OR7A10: variants seen among roughly 807,000 people sequenced by gnomAD.
OR7A10 encodes olfactory receptor family 7 subfamily A member 10, also known as olfactory receptor 7A10.
For missense variants in OR7A10, 358 were observed against 370.1 expected, an observed-to-expected ratio of 0.97 and a Z score of 0.27; for synonymous variants, 144 against 144.5, an observed-to-expected ratio of 1.00 and a Z score of 0.02.
At position 14,841,358 on chromosome 19, in the gene OR7A10, T is replaced by C. The variant is rs776688173; in HGVS notation, c.520A>G (p.Ile174Val). Residue 174 changes from isoleucine (I) to valine (V), a missense_variant, in exon 2 of 2, where the codon ATC (isoleucine) becomes GTC (valine). By Grantham distance (29) the Ile-to-Val change is conservative. Coordinates refer to ENST00000641129, the MANE Select transcript of OR7A10 (RefSeq NM_001005190.2). Reference protein sequence around the residue: ...LPLPFCTHMEIPHFFCEINQV... With the variant: ...LPLPFCTHMEVPHFFCEINQV... ...TTAATTTCACAGAAAAAATGAGGGA[T>C]TTCCATGTGTGTACAAAAGGGCAGT... The C allele has an allele frequency of 1.9e-6, 3 of 1,614,134 alleles. No individual in the cohort carries two copies. The highest frequency in any genetic ancestry group is 2.5e-6 in the Non-Finnish European group (3 of 1,180,012).
chr19:14,848,121 TAA>T (rs34015234), intron 1 of OR7A10, among the ~76,000 whole-genome samples: 13 of 145,558 alleles, frequency 8.9e-5, no homozygotes, highest in African/African-American at 2.0e-4. Flanking sequence ...AGACTCTGTC[TAA>T]AAAAAAAAAA....
chr19:14,840,683 A>G lies in OR7A10; in HGVS notation c.*265T>C. On this transcript the variant is annotated 3_prime_UTR_variant, in exon 2 of 2. Coordinates refer to ENST00000641129, the MANE Select transcript of OR7A10 (RefSeq NM_001005190.2). Reference sequence around the variant, plus strand: ...GACACCAGGCTCCTCTACTTCAATGAGTAGATGTACCCCAACGAAAACAAA... The same window carrying G: ...GACACCAGGCTCCTCTACTTCAATGGGTAGATGTACCCCAACGAAAACAAA... The G allele has an allele frequency of 3.5e-6, 1 of 286,238 alleles. No individual in the cohort carries two copies. Among genetic ancestry groups the G allele is most frequent in the Non-Finnish European group, 6.5e-6 (1 of 153,038 alleles). The allele number at this position is 286,238 out of a possible 1,614,324, so 17.7% of individuals were successfully genotyped here.
At chr19:14,843,859 C>T (rs567374560) in intron 1 of OR7A10, among the ~76,000 whole-genome samples, 7 of 152,154 alleles carry the variant, frequency 4.6e-5, no homozygotes, top group African/African-American at 1.7e-4. Context: ...GGGAGTCGAA[C>T]AATGAGAACA....
intron 1 of OR7A10, among the ~76,000 whole-genome samples, chr19:14,847,588 G>A (rs893286777): frequency 6.6e-6 from 1 of 151,994 alleles, no homozygotes. Context: ...TCGGCTCAAT[G>A]CAAGCTCCAC....
intron 1 of OR7A10, among the ~76,000 whole-genome samples, chr19:14,842,653 A>G (rs1405170859): frequency 6.6e-6 from 1 of 152,198 alleles, no homozygotes; most frequent in Non-Finnish European, 1.5e-5. Context: ...TGCTTAGAAT[A>G]ATGGCTTTTA....
rs926895069 is a variant in OR7A10 at position 14,840,819 on chromosome 19, G to A, written c.*129C>T. On this transcript the variant is annotated 3_prime_UTR_variant, in exon 2 of 2. Coordinates refer to ENST00000641129, the MANE Select transcript of OR7A10 (RefSeq NM_001005190.2). ...CTCTATAAAGTAGTTGAGGAACAAA[G>A]AAGTTTAAACTCCAGGAAATAAATG... 4 of 646,500 alleles carry A rather than the reference G, an allele frequency of 6.2e-6. No individual in the cohort carries two copies. The African/African-American group carries it at 7.3e-5, about 12-fold the overall frequency. The allele number at this position is 646,500 out of a possible 1,614,324, so 40.0% of individuals were successfully genotyped here. A position where few individuals can be genotyped will look rare whatever the true frequency, so the allele number is the denominator to read the frequency against.
intron 1 of OR7A10, among the ~76,000 whole-genome samples, chr19:14,845,695 A>T (rs1000590078): frequency 1.3e-5 from 2 of 152,154 alleles, no homozygotes; most frequent in African/African-American, 4.8e-5. Context: ...TACAGCTATA[A>T]ATACTAAAAA....
chr19:14,841,903 A>AGG lies in OR7A10; in HGVS notation c.-12-15_-12-14insCC, dbSNP rs1269005767. On this transcript the variant is annotated splice_polypyrimidine_tract_variant and intron_variant, in intron 1 of 1. Transcript: ENST00000641129. Reference sequence around the variant, plus strand: ...CTTGTGATGTGACTACCAGAGAGAGAGAGAGAGAGAGAGAGAGAGTGAAAG... The same window carrying AGG: ...CTTGTGATGTGACTACCAGAGAGAGAGGGAGAGAGAGAGAGAGAGAGTGAAAG... The AGG allele has an allele frequency of 4.2e-6, 6 of 1,428,074 alleles. No individual in the cohort carries two copies. The highest frequency in any genetic ancestry group is 5.7e-6 in the Non-Finnish European group (6 of 1,043,558). 88.5% of individuals were successfully genotyped at this position (1,428,074 alleles called of 1,614,324 possible). A position where few individuals can be genotyped will look rare whatever the true frequency, so the allele number is the denominator to read the frequency against.
chr19:14,847,564 G>A (rs1051292884), intron 1 of OR7A10, among the ~76,000 whole-genome samples: 9 of 152,054 alleles, frequency 5.9e-5, no homozygotes, highest in Non-Finnish European at 8.8e-5. Flanking sequence ...AGGCTGGAGT[G>A]CAGTGGCGCG....
chr19:14,845,919 G>A (rs1009721463), intron 1 of OR7A10, among the ~76,000 whole-genome samples: 2 of 152,092 alleles, frequency 1.3e-5, no homozygotes, highest in African/African-American at 4.8e-5. Flanking sequence ...AATGTGGGAG[G>A]CCGAAGCGAG....
intron 1 of OR7A10, among the ~76,000 whole-genome samples, chr19:14,842,994 C>T (rs1461844476): frequency 6.6e-6 from 1 of 152,056 alleles, no homozygotes; most frequent in South Asian, 2.1e-4. Context: ...AAGCAAAAAA[C>T]AAACAACCCC....
intron 1 of OR7A10, among the ~76,000 whole-genome samples, chr19:14,846,709 C>CAAAAAA (rs60087409): frequency 1.6e-4 from 10 of 64,042 alleles, no homozygotes; most frequent in East Asian, 6.2e-4. Flanking sequence ...GACTCCATCT[C>CAAAAAA]AAAAAAAAAA....
At chr19:14,844,664 G>GTTTTTTTTGTTTTTTTT (rs2044931748) in intron 1 of OR7A10, among the ~76,000 whole-genome samples, 1 of 97,660 alleles carries the variant, frequency 1.0e-5, no homozygotes, top group East Asian at 2.8e-4. Flanking sequence ...TGAGTTCTGT[G>GTTTTTTTTGTTTTTTTT]TTTTTTTTTT....
intron 1 of OR7A10, among the ~76,000 whole-genome samples, chr19:14,844,487 A>G (rs974845803): frequency 6.6e-6 from 1 of 152,070 alleles, no homozygotes; most frequent in East Asian, 1.9e-4. Context: ...GGGATGGGAG[A>G]TGGTGTCAGA....
Position 14,841,062 on chromosome 19 carries a change from A to T in OR7A10, c.816T>A (p.Ala272=), listed in dbSNP as rs141258439. ...CCACAGTGTACATCACTGAGGCTGC[A>T]GCACCTGTGTGTGAATTGTGGGTGG... is the stretch of plus-strand genomic sequence containing the variant. ...SAATHNSHTG[A]AASVMYTVVT... The change falls in exon 2 of 2, where the codon GCT becomes GCA. Residue 272 remains alanine (A), a synonymous_variant. Transcript: ENST00000641129. The T allele has an allele frequency of 9.0e-3, 14,494 of 1,613,676 alleles. 488 individuals are homozygous for T. The highest frequency in any genetic ancestry group is 0.09 in the African/African-American group (6,713 of 74,894).
At position 14,840,779 on chromosome 19, in the gene OR7A10, G is replaced by A. The variant is rs1246371203; in HGVS notation, c.*169C>T. 1.9e-6 allele frequency: 1 copy of A among 521,060 alleles called. No individual in the cohort carries two copies. The highest frequency in any genetic ancestry group is 3.0e-5 in the East Asian group (1 of 33,634). The allele number at this position is 521,060 out of a possible 1,614,324, so 32.3% of individuals were successfully genotyped here. ...TATTTAAGGTCATCTCTGACTCTAA[G>A]AAGAACAGTGTAAGCTCTATAAAGT... On this transcript the variant is annotated 3_prime_UTR_variant, in exon 2 of 2. Coordinates refer to ENST00000641129, the MANE Select transcript of OR7A10 (RefSeq NM_001005190.2).
chr19:14,840,839 T>G lies in OR7A10; in HGVS notation c.*109A>C. The G allele has an allele frequency of 1.3e-6, 1 of 745,634 alleles. No individual in the cohort carries two copies. The highest frequency in any genetic ancestry group is 2.8e-5 in the Admixed American group (1 of 35,146). 46.2% of individuals were successfully genotyped at this position (745,634 alleles called of 1,614,324 possible). On this transcript the variant is annotated 3_prime_UTR_variant, in exon 2 of 2. Coordinates refer to ENST00000641129, the MANE Select transcript of OR7A10 (RefSeq NM_001005190.2). Reference sequence around the variant, plus strand: ...ACAAAGAAGTTTAAACTCCAGGAAATAAATGGAAGGGGCAAGTCTTCCTTC... The same window carrying G: ...ACAAAGAAGTTTAAACTCCAGGAAAGAAATGGAAGGGGCAAGTCTTCCTTC...
At position 14,841,060 on chromosome 19, in the gene OR7A10, G is replaced by A; in HGVS notation, c.818C>T (p.Ala273Val). 6.2e-7 allele frequency: 1 copy of A among 1,614,098 alleles called. No individual in the cohort carries two copies. The highest frequency in any genetic ancestry group is 8.5e-7 in the Non-Finnish European group (1 of 1,179,980). ...AATHNSHTGAAASVMYTVVTP... is the reference protein window; with the variant it reads ...AATHNSHTGAVASVMYTVVTP... ...GACCACAGTGTACATCACTGAGGCT[G>A]CAGCACCTGTGTGTGAATTGTGGGT... The change falls in exon 2 of 2, where the codon GCA becomes GTA. Residue 273 changes from alanine (A) to valine (V), a missense_variant. By Grantham distance (64) the Ala-to-Val change is moderately conservative. Coordinates refer to ENST00000641129, the MANE Select transcript of OR7A10 (RefSeq NM_001005190.2).
chr19:14,844,834 T>C (rs2044933776), intron 1 of OR7A10, among the ~76,000 whole-genome samples: 2 of 151,562 alleles, frequency 1.3e-5, no homozygotes, highest in Non-Finnish European at 2.9e-5. Context: ...GGCTAATTTT[T>C]GTATTTTTAG....
Sources: gnomAD v4.1 joint callset for allele counts (sites outside exome capture counted in the v4.1 genomes callset) on GRCh38, gnomAD v4.1.1 for gene constraint, MANE v1.5 for transcripts, NCBI Gene and HGNC (gene_info 2026-07-23, HGNC 2026-07-21) for gene names.